CHSY1: variants seen among roughly 807,000 people sequenced by gnomAD.
CHSY1 encodes the protein chondroitin sulfate synthase 1, also known as N-acetylgalactosaminyl-proteoglycan 3-beta-glucuronosyltransferase 1.
Under a neutral mutation model 59.8 loss-of-function variants are expected in CHSY1, and 13 were observed. That is an observed-to-expected ratio of 0.22 (90% CI 0.14 to 0.35). The LOEUF (loss-of-function observed/expected upper bound fraction) is 0.35. Ranked by LOEUF, CHSY1 falls within the 10% of genes least tolerant of loss-of-function variation. CHSY1 has a pLI of 1.00. For synonymous variants in CHSY1, 459 were observed against 401.2 expected (o/e 1.14, Z -1.72); for missense variants, 947 against 1,030.6 (o/e 0.92, Z 1.11).
chr15:101,185,141 C>T (rs2038338676), intron 2 of CHSY1, among the ~76,000 whole-genome samples: 1 of 152,198 alleles, frequency 6.6e-6, no homozygotes, highest in Non-Finnish European at 1.5e-5. Context: ...GGTAGGGAAA[C>T]ATTTTCTTGT....
At chr15:101,237,212 A>G (rs2038953272) in intron 1 of CHSY1, among the ~76,000 whole-genome samples, 1 of 142,002 alleles carries the variant, frequency 7.0e-6, no homozygotes, top group South Asian at 2.3e-4. Context: ...CAAAAGAGCA[A>G]GACTCCATCT....
At position 101,221,828 on chromosome 15, in the gene CHSY1, C is replaced by T. The variant is rs1026207156; in HGVS notation, c.816+13254G>A. Among the ~76,000 whole-genome samples the T allele has an allele frequency of 2.3e-5, 3 of 133,204 alleles. No homozygotes were observed. The East Asian group carries it at 6.0e-4, about 27-fold the overall frequency. The allele number at this position is 133,204 out of a possible 152,430, so 87.4% of individuals were successfully genotyped here. A position where few individuals can be genotyped will look rare whatever the true frequency, so the allele number is the denominator to read the frequency against. ...TCACAGGGAGTTTTTTTGTTTGTTT[C>T]TTAAGAAAAGGCTGTGGAAGTAATT... On this transcript the variant is annotated intron_variant, in intron 2 of 2. Coordinates refer to ENST00000254190, the MANE Select transcript of CHSY1 (RefSeq NM_014918.5).
chr15:101,234,151 G>C (rs150243192), intron 2 of CHSY1, among the ~76,000 whole-genome samples: 1 of 152,082 alleles, frequency 6.6e-6, no homozygotes, highest in African/African-American at 2.4e-5. Context: ...ATCTACAAGC[G>C]GACTTCCTTC....
chr15:101,228,901 T>C (rs547454561), intron 2 of CHSY1, among the ~76,000 whole-genome samples: 53 of 152,348 alleles, frequency 3.5e-4, no homozygotes, highest in African/African-American at 1.3e-3. Context: ...GCAATTATTA[T>C]AAATCTCTGT....
chr15:101,245,806 G>A (rs977625045), intron 1 of CHSY1, among the ~76,000 whole-genome samples: 2 of 152,160 alleles, frequency 1.3e-5, no homozygotes, highest in East Asian at 1.9e-4. Flanking sequence ...GGAAATTCAC[G>A]ATCTGAAATG....
chr15:101,196,970 A>G (rs778351559), intron 2 of CHSY1, among the ~76,000 whole-genome samples: 1 of 152,262 alleles, frequency 6.6e-6, no homozygotes, highest in Non-Finnish European at 1.5e-5. Context: ...AAAGGGGCAA[A>G]GCATGTTTAG....
chr15:101,235,536 G>C lies in CHSY1; in HGVS notation c.362C>G (p.Ser121Ter). The C allele has an allele frequency of 6.2e-7, 1 of 1,612,926 alleles. No individual in the cohort carries two copies. The highest frequency in any genetic ancestry group is 8.5e-7 in the Non-Finnish European group (1 of 1,179,972). Residue 121 changes from serine (S) to a stop codon, truncating the protein, a stop_gained, in exon 2 of 3, where the codon TCA (serine) becomes TGA (stop). Coordinates refer to ENST00000254190, the MANE Select transcript of CHSY1 (RefSeq NM_014918.5). LOFTEE classifies it high-confidence loss of function. ...KTIPGKVQFF[S>*]SEGSDTSVPI... ...TACAGATGTGTCAGAACCCTCACTTGAGAAGAACTGAACTTTCCCAGGAAT... is the reference window on the plus strand; with the variant it reads ...TACAGATGTGTCAGAACCCTCACTTCAGAAGAACTGAACTTTCCCAGGAAT...
At chr15:101,188,158 C>G in intron 2 of CHSY1, 1 of 985,452 alleles carries the variant, frequency 1.0e-6, no homozygotes, top group Non-Finnish European at 1.2e-6. Context: ...CGACAACTTC[C>G]CATTCGGACT....
intron 2 of CHSY1, among the ~76,000 whole-genome samples, chr15:101,210,956 A>G (rs1429382010): frequency 3.3e-5 from 5 of 152,252 alleles, no homozygotes; most frequent in Non-Finnish European, 7.3e-5. Context: ...GTAGAAGTTT[A>G]GCAGACAATA....
chr15:101,238,492 CA>C (rs1425763216), intron 1 of CHSY1, among the ~76,000 whole-genome samples: 1 of 152,184 alleles, frequency 6.6e-6, no homozygotes, highest in Non-Finnish European at 1.5e-5. Context: ...TAAATATATA[CA>C]TTTTTTCATC....
chr15:101,223,744 AGGCCTCGTCT>A lies in CHSY1; in HGVS notation c.816+11328_816+11337del, dbSNP rs2038812864. On this transcript the variant is annotated intron_variant, in intron 2 of 2. Coordinates refer to ENST00000254190, the MANE Select transcript of CHSY1 (RefSeq NM_014918.5). ...ACAGAGGACTTCCACACTGGGACTCAGGCCTCGTCTACTACAAAGGACTTCCACACTGGGA... is the reference window on the plus strand; with the variant it reads ...ACAGAGGACTTCCACACTGGGACTCAACTACAAAGGACTTCCACACTGGGA... Among the ~76,000 whole-genome samples, 2 of 74,428 alleles carry A rather than the reference AGGCCTCGTCT, an allele frequency of 2.7e-5. 1 individual carries two copies. Among genetic ancestry groups the A allele is most frequent in the African/African-American group, 2.6e-4 (2 of 7,622 alleles). The allele number at this position is 74,428 out of a possible 152,430, so 48.8% of individuals were successfully genotyped here.
intron 2 of CHSY1, among the ~76,000 whole-genome samples, chr15:101,223,328 A>G (rs956274030): frequency 6.6e-6 from 1 of 152,246 alleles, no homozygotes; most frequent in Non-Finnish European, 1.5e-5. Flanking sequence ...TTGATAAATA[A>G]ATCCGGAGTT....
At chr15:101,248,067 T>C (rs2039068768) in intron 1 of CHSY1, among the ~76,000 whole-genome samples, 2 of 152,182 alleles carry the variant, frequency 1.3e-5, no homozygotes, top group Non-Finnish European at 2.9e-5. Context: ...AAAACAAAAC[T>C]ACAGTTTTCG....
At chr15:101,228,912 T>A (rs2038866908) in intron 2 of CHSY1, among the ~76,000 whole-genome samples, 1 of 152,214 alleles carries the variant, frequency 6.6e-6, no homozygotes, top group Non-Finnish European at 1.5e-5. Context: ...AAATCTCTGT[T>A]GACTGGCATA....
chr15:101,218,676 G>A (rs66523354), intron 2 of CHSY1, among the ~76,000 whole-genome samples: 1 of 152,166 alleles, frequency 6.6e-6, no homozygotes, highest in East Asian at 1.9e-4. Context: ...TGAGGTGGGA[G>A]ATTGTTTGAG....
At chr15:101,248,659 C>CTTA (rs1316445103) in intron 1 of CHSY1, among the ~76,000 whole-genome samples, 1 of 152,166 alleles carries the variant, frequency 6.6e-6, no homozygotes, top group African/African-American at 2.4e-5. Context: ...GAGATTAAGT[C>CTTA]TTACATCCAG....
At position 101,239,685 on chromosome 15, in the gene CHSY1, G is replaced by A. The variant is rs117027915; in HGVS notation, c.321-4108C>T. ...GGACTAGTCAGTCTCAGGAGCACAC[G>A]GAGCAAAGGTAATGTGGAAAATGCT... On this transcript the variant is annotated intron_variant, in intron 1 of 2. Transcript: ENST00000254190. Among the ~76,000 whole-genome samples the A allele has an allele frequency of 8.4e-3, 1,272 of 152,184 alleles. 11 individuals carry two copies. Among genetic ancestry groups the A allele is most frequent in the Non-Finnish European group, 0.013 (863 of 68,014 alleles).
intron 2 of CHSY1, among the ~76,000 whole-genome samples, chr15:101,191,345 T>C (rs1029850065): frequency 2.0e-5 from 3 of 152,208 alleles, no homozygotes; most frequent in African/African-American, 7.2e-5. Flanking sequence ...ATTCCAACTA[T>C]ATAACACTGT....
At chr15:101,195,793 C>G (rs929919501) in intron 2 of CHSY1, among the ~76,000 whole-genome samples, 1 of 149,168 alleles carries the variant, frequency 6.7e-6, no homozygotes, top group Non-Finnish European at 1.5e-5. Flanking sequence ...CCACTGCACT[C>G]CAGCTTGGGT....
Sources: gnomAD v4.1 joint callset for allele counts (sites outside exome capture counted in the v4.1 genomes callset) on GRCh38, gnomAD v4.1.1 for gene constraint, MANE v1.5 for transcripts, NCBI Gene and HGNC (gene_info 2026-07-23, HGNC 2026-07-21) for gene names.